Variants in TET2 observed in about 807,000 individuals in gnomAD.
TET2 encodes the protein tet methylcytosine dioxygenase 2, also known as methylcytosine dioxygenase TET2.
Under a neutral mutation model 142.9 loss-of-function variants are expected in TET2, and 299 were observed. That is an observed-to-expected ratio of 2.09 (90% CI 1.90 to 2.30). TET2 has a LOEUF of 2.30. Ranked by LOEUF, TET2 falls within the 30% of genes most tolerant of loss-of-function variation. The pLI, the probability that TET2 is intolerant of heterozygous loss-of-function variation, is 0.00. For missense variants in TET2, 2,418 were observed against 2,378.0 expected (o/e 1.02, Z -0.35); for synonymous variants, 819 against 849.0 (o/e 0.96, Z 0.61).
In TET2 at chr4:105,235,481, G is replaced by A. The variant is rs1560543511; in HGVS notation, c.1539G>A (p.Lys513=). 1 of 1,614,136 alleles carries A rather than the reference G, an allele frequency of 6.2e-7. No homozygotes were observed. The highest frequency in any genetic ancestry group is 8.5e-7 in the Non-Finnish European group (1 of 1,180,014). ...CAAGACCAATGTCAGAACACCTCAA[G>A]CATAACCCACCAATTTTTGGTAGCA... ...EKTRPMSEHL[K]HNPPIFGSSG... Residue 513 remains lysine, a synonymous_variant, in exon 3 of 11, where the codon AAG becomes AAA. Coordinates refer to ENST00000380013, the MANE Select transcript of TET2 (RefSeq NM_001127208.3).
chr4:105,173,716 C>G (rs911376158), intron 1 of TET2, among the ~76,000 whole-genome samples: 5 of 152,066 alleles, frequency 3.3e-5, no homozygotes, highest in Admixed American at 2.0e-4. Flanking sequence ...TCAGCAAATG[C>G]AGGCCAGGAA....
intron 1 of TET2, among the ~76,000 whole-genome samples, chr4:105,157,340 T>C (rs1388040552): frequency 6.6e-6 from 1 of 152,160 alleles, no homozygotes; most frequent in East Asian, 1.9e-4. Context: ...TAAATAATTA[T>C]TTTAGTACAA....
intron 2 of TET2, among the ~76,000 whole-genome samples, chr4:105,208,847 T>G (rs1726977284): frequency 6.6e-6 from 1 of 151,744 alleles, no homozygotes; most frequent in Non-Finnish European, 1.5e-5. Context: ...TAAAACAGTC[T>G]TCTTCCCCCA....
intron 4 of TET2, chr4:105,242,188 A>G: frequency 1.8e-6 from 2 of 1,109,866 alleles, no homozygotes; most frequent in Non-Finnish European, 2.2e-6. Context: ...CAAATTATTC[A>G]TTTCTAAATT....
chr4:105,250,644 T>A (rs1429483397), intron 6 of TET2, among the ~76,000 whole-genome samples: 1 of 152,110 alleles, frequency 6.6e-6, no homozygotes, highest in Non-Finnish European at 1.5e-5. Flanking sequence ...TTCCATTTAT[T>A]CTTAAATTTC....
chr4:105,278,923 T>C lies in TET2; in HGVS notation c.*2404T>C, dbSNP rs1731338397. On this transcript the variant is annotated 3_prime_UTR_variant, in exon 11 of 11. Transcript: ENST00000380013. ...CAGGCAAACACCTACAGGTATGGTGTGCAACAGATTGTACAATTACATTTT... is the reference window on the plus strand; with the variant it reads ...CAGGCAAACACCTACAGGTATGGTGCGCAACAGATTGTACAATTACATTTT... The C allele has an allele frequency of 4.3e-6, 1 of 232,832 alleles. No individual in the cohort carries two copies. The highest frequency in any genetic ancestry group is 1.8e-4 in the South Asian group (1 of 5,530). The allele number at this position is 232,832 out of a possible 1,614,324, so 14.4% of individuals were successfully genotyped here.
chr4:105,150,944 T>G (rs1256270679), intron 1 of TET2, among the ~76,000 whole-genome samples: 1 of 152,212 alleles, frequency 6.6e-6, no homozygotes, highest in Non-Finnish European at 1.5e-5. Flanking sequence ...TGTCCTATAT[T>G]GTACATTGCA....
chr4:105,201,653 T>TC (rs1310614821), intron 2 of TET2, among the ~76,000 whole-genome samples: 1 of 151,516 alleles, frequency 6.6e-6, no homozygotes, highest in Non-Finnish European at 1.5e-5. Flanking sequence ...TAATAGAAGG[T>TC]TACCAAGTTG....
At chr4:105,241,886 A>C in intron 4 of TET2, 6 of 1,246,822 alleles carry the variant, frequency 4.8e-6, no homozygotes, top group Non-Finnish European at 6.1e-6. Context: ...CCATAAAAAG[A>C]GAGCAAGTGT....
chr4:105,218,271 A>C (rs1367887033), intron 2 of TET2, among the ~76,000 whole-genome samples: 1 of 151,912 alleles, frequency 6.6e-6, no homozygotes, highest in Admixed American at 6.6e-5. Flanking sequence ...ATATTGGCCA[A>C]TCCAGTGTTT....
At chr4:105,241,196 A>T in intron 3 of TET2, 143 bp from the exon 4 acceptor site, 1 of 1,328,352 alleles carries the variant, frequency 7.5e-7, no homozygotes, top group Non-Finnish European at 9.7e-7. Flanking sequence ...TCAGTCCATC[A>T]ATCTACTCAT....
intron 2 of TET2, among the ~76,000 whole-genome samples, chr4:105,231,609 A>G (rs988573550): frequency 2.0e-5 from 3 of 152,220 alleles, no homozygotes; most frequent in African/African-American, 7.2e-5. Flanking sequence ...TCTGTAAACA[A>G]TAACTTTAGC....
chr4:105,188,703 T>C (rs975505895), intron 1 of TET2, among the ~76,000 whole-genome samples: 1 of 152,108 alleles, frequency 6.6e-6, no homozygotes, highest in Non-Finnish European at 1.5e-5. Context: ...CATGCTGCAA[T>C]ACAGATGCAC....
chr4:105,236,678 G>GTCTGGTCAACAAGCTGGTCAA lies in TET2; in HGVS notation c.2736_2737insTCTGGTCAACAAGCTGGTCAA (p.Ala912_Gln913insSerGlyGlnGlnAlaGlyGln). 6.2e-7 allele frequency: 1 copy of GTCTGGTCAACAAGCTGGTCAA among 1,614,054 alleles called. No homozygotes were observed. Among genetic ancestry groups the GTCTGGTCAACAAGCTGGTCAA allele is most frequent in the Non-Finnish European group, 8.5e-7 (1 of 1,180,016 alleles). ...AAGATATGTCTGGTCAACAAGCTGC[G>GTCTGGTCAACAAGCTGGTCAA]CAACTTGCTCAGCAAAGGTACTTGA... On this transcript the variant is annotated inframe_insertion, in exon 3 of 11. Transcript: ENST00000380013.
intron 1 of TET2, among the ~76,000 whole-genome samples, chr4:105,158,847 CTTAG>C (rs1225196247): frequency 2.0e-5 from 3 of 151,990 alleles, no homozygotes; most frequent in Non-Finnish European, 4.4e-5. Flanking sequence ...ATAAATCACC[CTTAG>C]TTAGTGATAA....
chr4:105,243,636 T>C lies in TET2; in HGVS notation c.3661T>C (p.Cys1221Arg), dbSNP rs758732877. ...CLVRERAGHT[C>R]EAAVIVILIL... ...GGTGCGGGAGCGAGCTGGCCACACC[T>C]GTGAGGCTGCAGTGATTGTGATTCT... Residue 1221 changes from cysteine to arginine, a missense_variant, in exon 6 of 11, where the codon TGT becomes CGT. By Grantham distance (180) the Cys-to-Arg change is radical (BLOSUM62 -3). Transcript: ENST00000380013. 6.4e-7 allele frequency: 1 copy of C among 1,551,578 alleles called. No homozygotes were observed. Among genetic ancestry groups the C allele is most frequent in the Non-Finnish European group, 8.7e-7 (1 of 1,146,934 alleles).
At chr4:105,175,162 G>A (rs796599417) in intron 1 of TET2, among the ~76,000 whole-genome samples, 1 of 152,092 alleles carries the variant, frequency 6.6e-6, no homozygotes, top group Non-Finnish European at 1.5e-5. Flanking sequence ...AGTATATCAT[G>A]TCTGTCATTC....
chr4:105,189,336 A>C (rs981608427), intron 1 of TET2, among the ~76,000 whole-genome samples: 8 of 152,162 alleles, frequency 5.3e-5, no homozygotes, highest in Admixed American at 5.2e-4. Flanking sequence ...ATACTATTCC[A>C]GATACTATTT....
At chr4:105,212,152 C>T (rs1727202041) in intron 2 of TET2, among the ~76,000 whole-genome samples, 1 of 152,196 alleles carries the variant, frequency 6.6e-6, no homozygotes, top group African/African-American at 2.4e-5. Flanking sequence ...TGTCCTGAAA[C>T]ATGAGAAATT....
Sources: allele counts gnomAD v4.1 joint callset (sites outside exome capture counted in the v4.1 genomes callset), GRCh38; gene constraint gnomAD v4.1.1; transcripts MANE v1.5; gene names NCBI Gene and HGNC (gene_info 2026-07-23, HGNC 2026-07-21).